ALG13: variants seen among roughly 807,000 people sequenced by gnomAD.
ALG13 encodes the protein UDP-N-acetylglucosamine transferase subunit ALG13.
ALG13 carries 11 observed loss-of-function variants against 87.8 expected under a neutral mutation model. The ratio of observed to expected loss-of-function variants is 0.13; its 90% CI spans 0.08 to 0.21. The LOEUF is 0.21. Ranked by LOEUF, ALG13 falls within the 10% of genes least tolerant of loss-of-function variation. ALG13 has a pLI of 1.00. For synonymous variants in ALG13, 320 were observed against 306.3 expected (o/e 1.04, Z -0.47); for missense variants, 756 against 866.1 (o/e 0.87, Z 1.60).
intron 24 of ALG13, among the ~76,000 whole-genome samples, chrX:111,751,800 C>G (rs775200391): frequency 6.8e-4 from 76 of 111,813 alleles, no homozygotes; most frequent in Non-Finnish European, 1.1e-3. Context: ...AAAAGTTCAT[C>G]TGTTAGTGGA....
rs746652135 is a variant in ALG13 at position 111,757,668 on chromosome X, C to G, written c.3054C>G (p.Val1018=). 1.7e-6 allele frequency: 2 copies of G among 1,208,772 alleles called. No homozygotes were observed. Among genetic ancestry groups the G allele is most frequent in the East Asian group, 5.9e-5 (2 of 33,756 alleles). ...QQQLHVENYP[V]YTEPPLVDQT... Reference sequence around the variant, plus strand: ...AGCTTCATGTAGAGAATTATCCAGTCTATACTGAGCCACCTCTGGTAGATC... The same window carrying G: ...AGCTTCATGTAGAGAATTATCCAGTGTATACTGAGCCACCTCTGGTAGATC... Residue 1018 remains valine (V), a synonymous_variant, in exon 26 of 27, where the codon GTC becomes GTG. Transcript: ENST00000394780.
At chrX:111,750,660 T>C (rs866573652) in intron 24 of ALG13, among the ~76,000 whole-genome samples, 15 of 106,258 alleles carry the variant, frequency 1.4e-4, no homozygotes, top group South Asian at 7.9e-4. Context: ...TATTTACTTA[T>C]TTATTTATTT....
intron 21 of ALG13, among the ~76,000 whole-genome samples, chrX:111,733,244 A>C (rs1283890747): frequency 6.3e-5 from 7 of 111,457 alleles, no homozygotes; most frequent in African/African-American, 1.3e-4. Context: ...TCACTTGAGC[A>C]GTGTACCACT....
intron 3 of ALG13, chrX:111,689,762 T>C: frequency 1.3e-6 from 1 of 747,418 alleles, no homozygotes; most frequent in Non-Finnish European, 1.6e-6. Flanking sequence ...AGTCCCCTGC[T>C]CTTTCTACCC....
At chrX:111,743,670 G>GC (rs1943958376) in intron 23 of ALG13, 1 of 111,860 alleles carries the variant, frequency 8.9e-6, no homozygotes, top group Non-Finnish European at 1.9e-5. Flanking sequence ...ATTATGTCTT[G>GC]CTAAAATATC....
chrX:111,729,672 G>A (rs1284292868), intron 19 of ALG13, among the ~76,000 whole-genome samples: 2 of 111,612 alleles, frequency 1.8e-5, no homozygotes, highest in African/African-American at 6.5e-5. Context: ...AGAACTGCGG[G>A]TTTATATTTG....
chrX:111,688,441 A>G (rs1569511751), intron 3 of ALG13: 9 of 749,196 alleles, frequency 1.2e-5, no homozygotes, highest in Non-Finnish European at 1.3e-5. Context: ...TTAAAAAATG[A>G]TGGATTATGC....
chrX:111,733,355 T>C (rs927402933), intron 21 of ALG13, among the ~76,000 whole-genome samples: 17 of 111,412 alleles, frequency 1.5e-4, no homozygotes, highest in African/African-American at 5.6e-4. Flanking sequence ...TTCCTTAGCT[T>C]AGCTTCCACT....
intron 3 of ALG13, chrX:111,706,819 T>A (rs1418527424): frequency 9.1e-6 from 1 of 110,294 alleles, no homozygotes; most frequent in Non-Finnish European, 1.9e-5. Flanking sequence ...AAGTCAAGAT[T>A]TATTCCTTTT....
chrX:111,710,313 G>A (rs1173495715), intron 5 of ALG13, among the ~76,000 whole-genome samples: 4 of 111,570 alleles, frequency 3.6e-5, no homozygotes, highest in African/African-American at 1.3e-4. Flanking sequence ...GACTACAAGT[G>A]TGAGCCACTG....
At chrX:111,708,800 G>A (rs1192181614) in intron 4 of ALG13, among the ~76,000 whole-genome samples, 165 bp from the exon 5 acceptor site, 1 of 111,768 alleles carries the variant, frequency 8.9e-6, no homozygotes, top group African/African-American at 3.3e-5. Flanking sequence ...CCCCCATTTC[G>A]TTGAAGATGA....
At chrX:111,684,667 T>C (rs749689636) in intron 2 of ALG13, among the ~76,000 whole-genome samples, 1 of 111,951 alleles carries the variant, frequency 8.9e-6, no homozygotes, top group Non-Finnish European at 1.9e-5. Flanking sequence ...CACAAGGCTA[T>C]ACCCCATCGT....
intron 3 of ALG13, among the ~76,000 whole-genome samples, chrX:111,698,017 C>T (rs764838467): frequency 2.9e-4 from 32 of 111,771 alleles, no homozygotes; most frequent in African/African-American, 1.0e-3. Context: ...TAAGGTAATA[C>T]ATGTGAATAG....
chrX:111,719,434 CG>C (rs1210079437), intron 10 of ALG13, among the ~76,000 whole-genome samples: 3 of 112,141 alleles, frequency 2.7e-5, no homozygotes, highest in Admixed American at 9.4e-5. Context: ...TTCAGGCTTA[CG>C]GAAACTACAG....
chrX:111,709,486 CCAGT>C (rs1429429789), intron 5 of ALG13, among the ~76,000 whole-genome samples: 3 of 111,686 alleles, frequency 2.7e-5, no homozygotes, highest in Non-Finnish European at 3.8e-5. Flanking sequence ...TAATCTTCAG[CCAGT>C]CAATTTGAGG....
intron 23 of ALG13, among the ~76,000 whole-genome samples, chrX:111,738,602 G>C (rs1943456549): frequency 9.0e-6 from 1 of 111,730 alleles, no homozygotes; most frequent in African/African-American, 3.3e-5. Context: ...GCAGTGACAT[G>C]ATCATGGCTC....
chrX:111,681,370 G>C, intron 1 of ALG13, 71 bp downstream of exon 1: 1 of 1,202,002 alleles, frequency 8.3e-7, no homozygotes, highest in East Asian at 3.0e-5. Context: ...TGCCAGCCGC[G>C]TTAGCCTTGC....
In ALG13 at chrX:111,723,893, G is replaced by A. The variant is rs891310320; in HGVS notation, c.1596G>A (p.Ala532=). 2.4e-5 allele frequency: 26 copies of A among 1,101,075 alleles called. No homozygotes were observed. Among genetic ancestry groups the A allele is most frequent in the South Asian group, 1.3e-4 (6 of 47,169 alleles). The allele number at this position is 1,101,075 out of a possible 1,213,427, so 90.7% of individuals were successfully genotyped here. The change falls in exon 14 of 27, where the codon GCG becomes GCA. Residue 532 remains alanine, a synonymous_variant. Transcript: ENST00000394780. ...TAACAGTCTTCATTGAAGAATTGGC[G>A]GAAAAGTAGGAATATGATAATTTGT... ...NSVTVFIEEL[A]EKHVVPLANL... is the part of the protein sequence containing the mutation.
rs2148514625 is a variant in ALG13, at chrX:111,757,731, A to G, written c.3117A>G (p.Glu1039=). ...AATGCTACAGTGAGGTGAGGAGAGA[A>G]GATGGCATACAGGCGGAAGCATCAG... ...VPQCYSEVRR[E]DGIQAEASAN... Residue 1039 remains glutamate (E), a synonymous_variant, in exon 26 of 27, where the codon GAA becomes GAG. Transcript: ENST00000394780. 2.5e-6 allele frequency: 3 copies of G among 1,210,006 alleles called. No individual in the cohort carries two copies. Among genetic ancestry groups the G allele is most frequent in the Non-Finnish European group, 3.4e-6 (3 of 894,790 alleles).
Sources: gnomAD v4.1 joint callset for allele counts (sites outside exome capture counted in the v4.1 genomes callset) on GRCh38, gnomAD v4.1.1 for gene constraint, MANE v1.5 for transcripts, NCBI Gene and HGNC (gene_info 2026-07-23, HGNC 2026-07-21) for gene names.